The following SPTLC2 variants were observed in gnomAD, a reference collection of about 807,000 sequenced individuals.
SPTLC2 encodes the protein serine palmitoyltransferase 2.
Under a neutral mutation model 62.0 loss-of-function variants are expected in SPTLC2, and 21 were observed. That is an observed-to-expected ratio of 0.34 (90% CI 0.24 to 0.49). The LOEUF (loss-of-function observed/expected upper bound fraction) is 0.49, where lower values mean the gene tolerates loss of function less well. SPTLC2 is among the 20% of genes least tolerant of loss of function. SPTLC2 has a pLI of 0.99. For synonymous variants in SPTLC2, 261 were observed against 261.8 expected (o/e 1.00, Z 0.03); for missense variants, 511 against 713.0 (o/e 0.72, Z 3.23).
At position 77,614,455 on chromosome 14, in the gene SPTLC2, GA is replaced by G. The variant is rs1409553348; in HGVS notation, c.132+1992del. 2.0e-5 allele frequency among the ~76,000 whole-genome samples: 3 copies of G among 151,932 alleles called. No individual in the cohort carries two copies. In the East Asian group the frequency reaches 5.9e-4, roughly 30 times the overall value. ...CGAGGCAGGCGGATCACGAGGTCAG[GA>G]AATCAAGACCATCCTGGCTAACACA... On this transcript the variant is annotated intron_variant, in intron 1 of 11. Transcript: ENST00000216484.
chr14:77,525,386 G>GT (rs1282208654), intron 9 of SPTLC2, among the ~76,000 whole-genome samples: 4 of 151,164 alleles, frequency 2.6e-5, no homozygotes, highest in Non-Finnish European at 5.9e-5. Context: ...GAGGTTGGGA[G>GT]TTTGAGAGTA....
At chr14:77,599,466 C>G (rs2299924) in intron 1 of SPTLC2, among the ~76,000 whole-genome samples, 67,440 of 152,014 alleles carry the variant, frequency 0.44, 15,271 homozygotes, top group East Asian at 0.64. Flanking sequence ...ATCCTATCCC[C>G]GTAATGTTAG....
chr14:77,614,831 C>T (rs2079957088), intron 1 of SPTLC2, among the ~76,000 whole-genome samples: 1 of 150,754 alleles, frequency 6.6e-6, no homozygotes, highest in Non-Finnish European at 1.5e-5. Flanking sequence ...TTTAGCCGGG[C>T]GTGATGACGG....
rs10144006 is a variant in SPTLC2, at chr14:77,536,409, C to T, written c.1304-14828G>A. ...ATTTTATTTTTGACCAATGGATTCA[C>T]GTCACCAGGTGATTTTTTAAACAGC... On this transcript the variant is annotated intron_variant, in intron 9 of 11. Coordinates refer to ENST00000216484, the MANE Select transcript of SPTLC2 (RefSeq NM_004863.4). Among the ~76,000 whole-genome samples, 990 of 151,756 alleles carry T rather than the reference C, an allele frequency of 6.5e-3. 14 individuals carry two copies. The highest frequency in any genetic ancestry group is 0.022 in the African/African-American group (929 of 41,384).
chr14:77,549,587 C>T (rs2079545675), intron 9 of SPTLC2, among the ~76,000 whole-genome samples: 1 of 152,186 alleles, frequency 6.6e-6, no homozygotes, highest in South Asian at 2.1e-4. Context: ...TTTCCAGACA[C>T]TTGAGTCTTC....
chr14:77,539,483 C>CTTTTTTTTTTT (rs71128638), intron 9 of SPTLC2, among the ~76,000 whole-genome samples: 2 of 53,484 alleles, frequency 3.7e-5, no homozygotes, highest in Admixed American at 3.2e-4. Context: ...TCTTAAGAGG[C>CTTTTTTTTTTT]TTTTTTTTTT....
At chr14:77,536,523 A>G (rs1264404740) in intron 9 of SPTLC2, among the ~76,000 whole-genome samples, 1 of 152,162 alleles carries the variant, frequency 6.6e-6, no homozygotes, top group Non-Finnish European at 1.5e-5. Flanking sequence ...TGCACCTCTT[A>G]TGACAATAAA....
At chr14:77,598,372 T>G (rs2079859690) in intron 1 of SPTLC2, among the ~76,000 whole-genome samples, 1 of 152,052 alleles carries the variant, frequency 6.6e-6, no homozygotes, top group Non-Finnish European at 1.5e-5. Flanking sequence ...AAGCAAAAAA[T>G]ATAAATCAAC....
rs1193395175 is a variant in SPTLC2, at chr14:77,510,895, A to G, written c.*1389T>C. 1 of 152,656 alleles carries G rather than the reference A, an allele frequency of 6.6e-6. No individual in the cohort carries two copies. The highest frequency in any genetic ancestry group is 2.4e-5 in the African/African-American group (1 of 41,460). 9.5% of individuals were successfully genotyped at this position (152,656 alleles called of 1,614,324 possible). A position where few individuals can be genotyped will look rare whatever the true frequency, so the allele number is the denominator to read the frequency against. On this transcript the variant is annotated 3_prime_UTR_variant, in exon 12 of 12. Coordinates refer to ENST00000216484, the MANE Select transcript of SPTLC2 (RefSeq NM_004863.4). ...AATATGCCAAAAGTCCTCTTCACTT[A>G]AACTTTGGTTCAACTGAAAAAATAA...
chr14:77,596,490 C>G (rs1055155987), intron 2 of SPTLC2, among the ~76,000 whole-genome samples: 32 of 150,302 alleles, frequency 2.1e-4, no homozygotes, highest in Admixed American at 1.9e-3. Flanking sequence ...GTTGACAAAG[C>G]GAGACTCTGT....
chr14:77,524,811 G>A (rs2079400925), intron 9 of SPTLC2, among the ~76,000 whole-genome samples: 2 of 152,226 alleles, frequency 1.3e-5, no homozygotes, highest in South Asian at 4.1e-4. Context: ...TTGATCTCAT[G>A]GAGGTAGAGA....
chr14:77,509,999 C>T lies in SPTLC2; in HGVS notation c.*2285G>A, dbSNP rs2079324443. ...ATTGCTTATAAGTTTGTGACTTTTA[C>T]AAACCCTACGTTTACATTAGTAAAT... On this transcript the variant is annotated 3_prime_UTR_variant, in exon 12 of 12. Transcript: ENST00000216484. 7.5e-6 allele frequency: 3 copies of T among 398,254 alleles called. No individual in the cohort carries two copies. The highest frequency in any genetic ancestry group is 2.5e-4 in the South Asian group (2 of 7,854). 24.7% of individuals were successfully genotyped at this position (398,254 alleles called of 1,614,324 possible). A position where few individuals can be genotyped will look rare whatever the true frequency, so the allele number is the denominator to read the frequency against.
At chr14:77,614,863 C>G (rs1439907029) in intron 1 of SPTLC2, among the ~76,000 whole-genome samples, 5 of 139,542 alleles carry the variant, frequency 3.6e-5, no homozygotes, top group Admixed American at 7.3e-5. Flanking sequence ...CCCAGCTACT[C>G]GGGAGGCTGG....
chr14:77,537,724 C>G (rs765905581), intron 9 of SPTLC2, among the ~76,000 whole-genome samples: 4 of 152,168 alleles, frequency 2.6e-5, no homozygotes, highest in Non-Finnish European at 5.9e-5. Flanking sequence ...GCAACTTAAC[C>G]TCTTTGTTTC....
intron 9 of SPTLC2, among the ~76,000 whole-genome samples, chr14:77,535,349 C>T (rs75989864): frequency 0.069 from 10,541 of 152,166 alleles, 511 homozygotes; most frequent in Admixed American, 0.15. Flanking sequence ...ACAGATAGAT[C>T]CCAAGGGCCC....
intron 9 of SPTLC2, among the ~76,000 whole-genome samples, chr14:77,527,882 T>A (rs2079417149): frequency 2.0e-5 from 3 of 152,242 alleles, no homozygotes; most frequent in Admixed American, 1.3e-4. Flanking sequence ...GCTTCAGTAG[T>A]AATATGATTT....
chr14:77,533,806 G>C (rs1250260262), intron 9 of SPTLC2, among the ~76,000 whole-genome samples: 2 of 152,044 alleles, frequency 1.3e-5, no homozygotes. Context: ...AAGTCTCTGG[G>C]GTTTGCTGGT....
intron 2 of SPTLC2, among the ~76,000 whole-genome samples, chr14:77,587,513 TC>T (rs746300934): frequency 2.0e-5 from 3 of 151,458 alleles, no homozygotes; most frequent in African/African-American, 4.8e-5. Flanking sequence ...ATGCCTGTAA[TC>T]CCAGCACTTT....
intron 9 of SPTLC2, among the ~76,000 whole-genome samples, chr14:77,547,366 C>G (rs2079534169): frequency 6.6e-6 from 1 of 152,030 alleles, no homozygotes; most frequent in South Asian, 2.1e-4. Context: ...TAAAGCACAA[C>G]AAAGAAGAAA....
Sources: allele counts gnomAD v4.1 joint callset (sites outside exome capture counted in the v4.1 genomes callset), GRCh38; gene constraint gnomAD v4.1.1; transcripts MANE v1.5; gene names NCBI Gene and HGNC (gene_info 2026-07-23, HGNC 2026-07-21).